Variants in KANK1 observed in about 807,000 individuals in gnomAD.
KANK1 encodes KN motif and ankyrin repeat domains 1.
KANK1 carries 109 observed loss-of-function variants against 106.2 expected under a neutral mutation model. That is an observed-to-expected ratio of 1.03 (90% confidence interval 0.88 to 1.20). KANK1 has a LOEUF of 1.20. Among genes scored for constraint, KANK1 ranks in the 50% most tolerant of loss-of-function variants. KANK1 has a pLI of 0.00. For missense variants in KANK1, 2,399 were observed against 1,710.7 expected, an observed-to-expected ratio of 1.40 and a Z score of -7.10; for synonymous variants, 873 against 652.2, an observed-to-expected ratio of 1.34 and a Z score of -5.16.
Position 504,772 on chromosome 9 carries a change from GCCGTGCCGCGCC to G in KANK1, c.-84+29_-84+40del, listed in dbSNP as rs1455755544. ...GGCCGAAGGTGAGTGACGCGGCGGG[GCCGTGCCGCGCC>G]CCGTGCCGCGGCGAGGTTGTCCCGG... On this transcript the variant is annotated intron_variant, in intron 1 of 11. Coordinates refer to ENST00000382297, the MANE Select transcript of KANK1 (RefSeq NM_015158.5). 2.7e-5 allele frequency: 4 copies of G among 148,290 alleles called. No individual in the cohort carries two copies. The highest frequency in any genetic ancestry group is 2.0e-4 in the East Asian group (1 of 5,088). The allele number at this position is 148,290 out of a possible 1,614,324, so 9.2% of individuals were successfully genotyped here. A position where few individuals can be genotyped will look rare whatever the true frequency, so the allele number is the denominator to read the frequency against.
intron 1 of KANK1, among the ~76,000 whole-genome samples, chr9:642,999 A>G (rs1588509216): frequency 6.6e-6 from 1 of 150,784 alleles, no homozygotes; most frequent in South Asian, 2.1e-4. Context: ...TCCATATTAA[A>G]TATGGTGGCA....
intron 8 of KANK1, among the ~76,000 whole-genome samples, chr9:739,790 A>G (rs995996308): frequency 2.0e-5 from 3 of 151,916 alleles, no homozygotes; most frequent in Admixed American, 6.6e-5. Flanking sequence ...TCCCCCTTCT[A>G]GGCTGAGATT....
chr9:506,543 T>C (rs73639559), intron 1 of KANK1, among the ~76,000 whole-genome samples: 5 of 129,076 alleles, frequency 3.9e-5, no homozygotes, highest in African/African-American at 1.3e-4. Flanking sequence ...TGTGTGTGTG[T>C]GTGTGCGTGT....
chr9:597,774 C>T (rs1826592950), intron 1 of KANK1, among the ~76,000 whole-genome samples: 2 of 151,498 alleles, frequency 1.3e-5, no homozygotes, highest in Non-Finnish European at 2.9e-5. Flanking sequence ...AGTGATTCTC[C>T]TGCCTCAGCC....
chr9:642,665 A>G (rs1010695222), intron 1 of KANK1, among the ~76,000 whole-genome samples: 2 of 150,796 alleles, frequency 1.3e-5, no homozygotes, highest in Admixed American at 6.6e-5. Context: ...GCCAGACAAG[A>G]ACTTTTGTGG....
At chr9:598,593 G>GT (rs1253942961) in intron 1 of KANK1, among the ~76,000 whole-genome samples, 2 of 109,954 alleles carry the variant, frequency 1.8e-5, no homozygotes, top group African/African-American at 3.2e-5. Context: ...TTGTTCCTAG[G>GT]TTTTTTTGTT....
At chr9:660,170 G>T in intron 1 of KANK1, 2 of 310,438 alleles carry the variant, frequency 6.4e-6, no homozygotes, top group Admixed American at 3.4e-5. Flanking sequence ...ACCAATGAAG[G>T]CATTTAAAAA....
At chr9:534,400 C>T (rs2060202505) in intron 1 of KANK1, among the ~76,000 whole-genome samples, 1 of 152,104 alleles carries the variant, frequency 6.6e-6, no homozygotes, top group Admixed American at 6.6e-5. Context: ...ATTTCACTAT[C>T]AACAGAAAGT....
At position 713,332 on chromosome 9, in the gene KANK1, C is replaced by T; in HGVS notation, c.2566C>T (p.His856Tyr). The T allele has an allele frequency of 6.2e-7, 1 of 1,614,174 alleles. No individual in the cohort carries two copies. The highest frequency in any genetic ancestry group is 1.3e-5 in the African/African-American group (1 of 75,054). The change falls in exon 3 of 12, where the codon CAC becomes TAC. Residue 856 changes from histidine to tyrosine, a missense_variant. Physicochemically the swap from His to Tyr is moderately conservative, Grantham distance 83. Transcript: ENST00000382297. ...SELAEAFGEP[H>Y]SQMGSLNSQL... is the part of the protein sequence containing the mutation. ...ACTGGCAGAAGCTTTCGGGGAACCT[C>T]ACTCACAGATGGGCTCCCTCAACTC... is the stretch of plus-strand genomic sequence containing the variant.
chr9:744,532 CA>C lies in KANK1; in HGVS notation c.3941del (p.Lys1314ArgfsTer84). The part of the protein sequence containing the change: ...ALSIALEAGH[K>X]DIAVLLYAHV... Reference sequence around the variant, plus strand: ...TCTCAATCGCCCTGGAAGCAGGACACAAGGACATCGCTGTTCTTCTGTATGC... The same window carrying C: ...TCTCAATCGCCCTGGAAGCAGGACACAGGACATCGCTGTTCTTCTGTATGC... On this transcript the variant is annotated frameshift_variant, in exon 11 of 12. Coordinates refer to ENST00000382297, the MANE Select transcript of KANK1 (RefSeq NM_015158.5). LOFTEE classifies it high-confidence loss of function. 1 of 1,614,172 alleles carries C rather than the reference CA, an allele frequency of 6.2e-7. No individual in the cohort carries two copies. The highest frequency in any genetic ancestry group is 8.5e-7 in the Non-Finnish European group (1 of 1,180,000).
At chr9:524,955 G>A (rs1351301399) in intron 1 of KANK1, among the ~76,000 whole-genome samples, 6 of 146,330 alleles carry the variant, frequency 4.1e-5, no homozygotes, top group Non-Finnish European at 8.9e-5. Context: ...TTATTGCTTT[G>A]GTTAGTCAAT....
Position 511,043 on chromosome 9 carries a change from G to T in KANK1, c.-84+6289G>T, listed in dbSNP as rs116697047. On this transcript the variant is annotated intron_variant, in intron 1 of 11. Coordinates refer to ENST00000382297, the MANE Select transcript of KANK1 (RefSeq NM_015158.5). ...AGTTCATAGGGAATGAATGTATAAT[G>T]ATGCAAAATTGTATTAATAGGCAAA... Among the ~76,000 whole-genome samples, 949 of 152,242 alleles carry T rather than the reference G, an allele frequency of 6.2e-3. 10 individuals are homozygous for T. Among genetic ancestry groups the T allele is most frequent in the African/African-American group, 0.021 (856 of 41,526 alleles).
intron 2 of KANK1, among the ~76,000 whole-genome samples, chr9:687,385 C>G (rs1039990805): frequency 2.0e-5 from 3 of 152,146 alleles, no homozygotes; most frequent in African/African-American, 4.8e-5. Flanking sequence ...ACTTTAATCT[C>G]TAACTATTAT....
chr9:534,649 G>A (rs917516798), intron 1 of KANK1, among the ~76,000 whole-genome samples: 1 of 152,164 alleles, frequency 6.6e-6, no homozygotes, highest in Non-Finnish European at 1.5e-5. Flanking sequence ...ACTATTGATT[G>A]TTCATCCTGG....
At chr9:596,379 A>G (rs1351084677) in intron 1 of KANK1, among the ~76,000 whole-genome samples, 3 of 151,810 alleles carry the variant, frequency 2.0e-5, no homozygotes, top group Non-Finnish European at 2.9e-5. Flanking sequence ...TTTAATGTAC[A>G]TCACTGTAGG....
At chr9:632,136 G>A (rs569718262) in intron 1 of KANK1, among the ~76,000 whole-genome samples, 1 of 152,300 alleles carries the variant, frequency 6.6e-6, no homozygotes, top group South Asian at 2.1e-4. Flanking sequence ...AGTTTGACTA[G>A]GTATGGTCAA....
intron 1 of KANK1, among the ~76,000 whole-genome samples, chr9:581,494 ATACATAGGT>A (rs1365862188): frequency 1.4e-5 from 2 of 146,144 alleles, no homozygotes; most frequent in Non-Finnish European, 3.0e-5. Flanking sequence ...AACTAAGAAA[ATACATAGGT>A]TACTAGCTAT....
intron 1 of KANK1, among the ~76,000 whole-genome samples, chr9:535,096 C>T (rs2060236513): frequency 6.6e-6 from 1 of 152,194 alleles, no homozygotes; most frequent in Non-Finnish European, 1.5e-5. Flanking sequence ...TAACTCTGCC[C>T]AGTGTTCTCA....
chr9:731,212 A>G lies in KANK1; in HGVS notation c.2951A>G (p.Asn984Ser). Reference protein sequence around the residue: ...LKSIMKKKDGNKDSNGAKKNL... With the variant: ...LKSIMKKKDGSKDSNGAKKNL... ...TCCATCATGAAGAAGAAAGATGGTA[A>G]CAAAGATTCAAATGGCGCAAAAAAG... The change falls in exon 5 of 12, where the codon AAC becomes AGC. Residue 984 changes from asparagine to serine, a missense_variant. By Grantham distance (46) the Asn-to-Ser change is conservative. Coordinates refer to ENST00000382297, the MANE Select transcript of KANK1 (RefSeq NM_015158.5). 6.2e-7 allele frequency: 1 copy of G among 1,612,564 alleles called. No homozygotes were observed. The highest frequency in any genetic ancestry group is 1.1e-5 in the South Asian group (1 of 90,980).
Sources: gnomAD v4.1 joint callset for allele counts (sites outside exome capture counted in the v4.1 genomes callset) on GRCh38, gnomAD v4.1.1 for gene constraint, MANE v1.5 for transcripts, NCBI Gene and HGNC (gene_info 2026-07-23, HGNC 2026-07-21) for gene names.